The following SPOCK3 variants were observed in gnomAD, a reference collection of about 807,000 sequenced individuals.
SPOCK3 encodes the protein SPARC (osteonectin), cwcv and kazal like domains proteoglycan 3.
In SPOCK3, 30 loss-of-function variants were observed where a neutral mutation model predicts 56.6. The ratio of observed to expected loss-of-function variants is 0.53; its 90% CI spans 0.40 to 0.72. The LOEUF (loss-of-function observed/expected upper bound fraction) is 0.72, where lower values mean the gene tolerates loss of function less well. SPOCK3 is among the 30% of genes least tolerant of loss of function. The probability of loss-of-function intolerance (pLI) is 0.00; values close to 1 mark genes in which losing one functional copy is unlikely to be tolerated. For missense variants in SPOCK3, 527 were observed against 530.0 expected, an observed-to-expected ratio of 0.99 and a Z score of 0.06; for synonymous variants, 196 against 183.3, an observed-to-expected ratio of 1.07 and a Z score of -0.56.
At chr4:167,192,318 T>C (rs1732541312) in intron 2 of SPOCK3, among the ~76,000 whole-genome samples, 1 of 145,962 alleles carries the variant, frequency 6.9e-6, no homozygotes. Context: ...TTTGGAAGTG[T>C]TCTCTCCAAA....
intron 5 of SPOCK3, among the ~76,000 whole-genome samples, chr4:166,899,058 T>C (rs1735720063): frequency 1.3e-5 from 2 of 151,966 alleles, no homozygotes; most frequent in Non-Finnish European, 2.9e-5. Flanking sequence ...ACATCAGCAC[T>C]CATTCCACTC....
intron 2 of SPOCK3, among the ~76,000 whole-genome samples, chr4:167,144,166 T>C (rs1034107468): frequency 6.6e-6 from 1 of 152,002 alleles, no homozygotes; most frequent in Non-Finnish European, 1.5e-5. Context: ...CTTGGTGATA[T>C]CTATAAGCTC....
At chr4:167,012,944 A>G (rs572480603) in intron 3 of SPOCK3, among the ~76,000 whole-genome samples, 1 of 152,094 alleles carries the variant, frequency 6.6e-6, no homozygotes, top group East Asian at 1.9e-4. Context: ...AAGTAGAGGT[A>G]ATACTTGATA....
intron 3 of SPOCK3, among the ~76,000 whole-genome samples, chr4:167,012,218 G>T (rs980430288): frequency 9.9e-5 from 15 of 151,904 alleles, no homozygotes; most frequent in African/African-American, 3.6e-4. Flanking sequence ...AATTCATTTA[G>T]AATGAAGTTG....
At chr4:166,847,708 C>G (rs1748254145) in intron 6 of SPOCK3, among the ~76,000 whole-genome samples, 1 of 113,544 alleles carries the variant, frequency 8.8e-6, no homozygotes, top group Admixed American at 9.5e-5. Context: ...TTTTTTACAG[C>G]TTGCAATGAC....
intron 3 of SPOCK3, among the ~76,000 whole-genome samples, chr4:167,035,729 A>G (rs2150189567): frequency 6.6e-6 from 1 of 152,202 alleles, no homozygotes; most frequent in African/African-American, 2.4e-5. Context: ...GTGAACCTAT[A>G]TCTATCCTTA....
chr4:167,150,227 A>AT (rs1452291927), intron 2 of SPOCK3, among the ~76,000 whole-genome samples: 1 of 151,910 alleles, frequency 6.6e-6, no homozygotes, highest in Non-Finnish European at 1.5e-5. Flanking sequence ...ACCCTATTAA[A>AT]TTTTTTTACA....
intron 2 of SPOCK3, among the ~76,000 whole-genome samples, chr4:167,172,757 T>A (rs1730621998): frequency 6.6e-6 from 1 of 152,178 alleles, no homozygotes; most frequent in African/African-American, 2.4e-5. Flanking sequence ...TATATGTGTG[T>A]GTGTGTATAT....
intron 3 of SPOCK3, among the ~76,000 whole-genome samples, chr4:167,032,654 C>A (rs968286821): frequency 1.3e-5 from 2 of 151,360 alleles, no homozygotes; most frequent in African/African-American, 4.9e-5. Context: ...CTAAAATACC[C>A]GAGCTTTATA....
At chr4:166,736,995 T>C (rs1275533392) in intron 10 of SPOCK3, among the ~76,000 whole-genome samples, 1 of 152,158 alleles carries the variant, frequency 6.6e-6, no homozygotes, top group Non-Finnish European at 1.5e-5. Context: ...CAAGGAAACA[T>C]GCTCATATAG....
intron 9 of SPOCK3, among the ~76,000 whole-genome samples, chr4:166,738,452 TC>T (rs1734452290): frequency 6.6e-6 from 1 of 151,556 alleles, no homozygotes; most frequent in Non-Finnish European, 1.5e-5. Context: ...TTAATTTTAC[TC>T]TATGGTTTTT....
At chr4:166,991,197 TTA>T in intron 4 of SPOCK3, among the ~76,000 whole-genome samples, 1 of 152,018 alleles carries the variant, frequency 6.6e-6, no homozygotes, top group African/African-American at 2.4e-5. Context: ...CCACTATTTT[TTA>T]CCATGATTCA....
At chr4:166,835,676 C>T (rs1422767661) in intron 6 of SPOCK3, among the ~76,000 whole-genome samples, 1 of 152,058 alleles carries the variant, frequency 6.6e-6, no homozygotes, top group Non-Finnish European at 1.5e-5. Flanking sequence ...TCTTCATCAC[C>T]AGAGGAATTT....
At chr4:167,115,261 G>C (rs1761236565) in intron 2 of SPOCK3, among the ~76,000 whole-genome samples, 1 of 150,434 alleles carries the variant, frequency 6.6e-6, no homozygotes. Flanking sequence ...GTCTAGCTGT[G>C]AACCAAGGCT....
chr4:167,113,371 CA>C (rs1761064472), intron 2 of SPOCK3, among the ~76,000 whole-genome samples: 2 of 138,128 alleles, frequency 1.4e-5, no homozygotes, highest in Non-Finnish European at 3.1e-5. Context: ...GTTCTTCTTA[CA>C]ATTTTTTTTT....
chr4:167,221,996 A>G (rs1561339788), intron 2 of SPOCK3, among the ~76,000 whole-genome samples: 1 of 152,196 alleles, frequency 6.6e-6, no homozygotes, highest in Non-Finnish European at 1.5e-5. Flanking sequence ...TTGAAGAAAT[A>G]TTTGCATACC....
chr4:166,913,982 G>C (rs1737562978), intron 4 of SPOCK3, among the ~76,000 whole-genome samples: 2 of 151,840 alleles, frequency 1.3e-5, no homozygotes, highest in African/African-American at 4.8e-5. Context: ...ATCCTAGTGA[G>C]AGATAAAACA....
chr4:167,133,859 A>G (rs1273965514), intron 2 of SPOCK3, among the ~76,000 whole-genome samples: 1 of 152,108 alleles, frequency 6.6e-6, no homozygotes, highest in Admixed American at 6.6e-5. Context: ...ATAAATTGCT[A>G]TAAAAATCAC....
chr4:166,863,444 C>T (rs1382908380), intron 6 of SPOCK3, among the ~76,000 whole-genome samples: 1 of 151,974 alleles, frequency 6.6e-6, no homozygotes, highest in Non-Finnish European at 1.5e-5. Flanking sequence ...CAATATTAAC[C>T]TTAAATGTAA....
Sources: allele counts gnomAD v4.1 joint callset (sites outside exome capture counted in the v4.1 genomes callset), GRCh38; gene constraint gnomAD v4.1.1; transcripts MANE v1.5; gene names NCBI Gene and HGNC (gene_info 2026-07-23, HGNC 2026-07-21).